PABPC4L: variants seen among roughly 807,000 people sequenced by gnomAD.
The protein encoded by PABPC4L is poly(A) binding protein cytoplasmic 4 like, also known as polyadenylate-binding protein 4-like.
For missense variants in PABPC4L, 452 were observed against 451.4 expected (o/e 1.00, Z -0.01); for synonymous variants, 169 against 164.1 (o/e 1.03, Z -0.23).
At chr4:134,114,194 A>G in the PABPC4L span, among the ~76,000 whole-genome samples, 2 of 151,722 alleles carry the variant, frequency 1.3e-5, no homozygotes, top group African/African-American at 2.4e-5. Context: ...CACAAGCACA[A>G]GTTGGAGTCA....
At chr4:134,056,069 C>T in the PABPC4L span, among the ~76,000 whole-genome samples, 4 of 151,792 alleles carry the variant, frequency 2.6e-5, no homozygotes, top group Non-Finnish European at 5.9e-5. Context: ...TGTTGAAAGG[C>T]TATCTTTCCT....
At chr4:133,987,631 A>G in the PABPC4L span, among the ~76,000 whole-genome samples, 1 of 152,208 alleles carries the variant, frequency 6.6e-6, no homozygotes, top group African/African-American at 2.4e-5. Flanking sequence ...ATAAAATTTG[A>G]AAGACCTTTG....
the PABPC4L span, among the ~76,000 whole-genome samples, chr4:134,000,866 T>G: frequency 2.0e-5 from 3 of 152,102 alleles, no homozygotes; most frequent in African/African-American, 7.2e-5. Context: ...CAATCTGGCT[T>G]CCAGGCCTTC....
chr4:134,036,123 T>C, the PABPC4L span, among the ~76,000 whole-genome samples: 1 of 152,050 alleles, frequency 6.6e-6, no homozygotes, highest in African/African-American at 2.4e-5. Flanking sequence ...TTATGTTAGT[T>C]TCTTTGAATA....
the PABPC4L span, among the ~76,000 whole-genome samples, chr4:134,031,169 C>G: frequency 6.6e-6 from 1 of 151,924 alleles, no homozygotes; most frequent in African/African-American, 2.4e-5. Flanking sequence ...GTGCTTATAT[C>G]TTAAATCCCT....
chr4:134,048,455 G>C, the PABPC4L span, among the ~76,000 whole-genome samples: 1 of 152,058 alleles, frequency 6.6e-6, no homozygotes, highest in East Asian at 1.9e-4. Flanking sequence ...ACCTAAACTG[G>C]AGAATCTCTG....
the PABPC4L span, among the ~76,000 whole-genome samples, chr4:133,987,643 T>C: frequency 6.6e-6 from 1 of 152,250 alleles, no homozygotes; most frequent in Middle Eastern, 3.4e-3. Flanking sequence ...AGACCTTTGG[T>C]CTTAAAAAGA....
the PABPC4L span, among the ~76,000 whole-genome samples, chr4:134,019,179 A>G: frequency 6.6e-6 from 1 of 152,178 alleles, no homozygotes; most frequent in African/African-American, 2.4e-5. Context: ...GAGAGAAGGA[A>G]TCTGTTTGTC....
At chr4:133,973,597 TATC>T in the PABPC4L span, among the ~76,000 whole-genome samples, 1 of 152,078 alleles carries the variant, frequency 6.6e-6, no homozygotes, top group African/African-American at 2.4e-5. Context: ...ACCAGTACCT[TATC>T]AGCCACTGAA....
chr4:134,037,434 A>G, the PABPC4L span, among the ~76,000 whole-genome samples: 1 of 151,966 alleles, frequency 6.6e-6, no homozygotes, highest in East Asian at 1.9e-4. Flanking sequence ...TATTCTTGTA[A>G]TTACTATCTT....
chr4:134,051,774 C>T, the PABPC4L span, among the ~76,000 whole-genome samples: 1 of 152,042 alleles, frequency 6.6e-6, no homozygotes, highest in African/African-American at 2.4e-5. Flanking sequence ...GGAAATATCA[C>T]ATTTTAATGT....
At chr4:134,029,291 T>C in the PABPC4L span, among the ~76,000 whole-genome samples, 1 of 151,908 alleles carries the variant, frequency 6.6e-6, no homozygotes, top group African/African-American at 2.4e-5. Flanking sequence ...TCCAAGAAGG[T>C]CTGGGAAGAT....
chr4:134,177,218 G>T, the PABPC4L span, among the ~76,000 whole-genome samples: 6 of 135,518 alleles, frequency 4.4e-5, no homozygotes, highest in East Asian at 1.3e-3. Context: ...TAGTCTAGCT[G>T]TCACCAGGCT....
At chr4:133,991,621 A>G in the PABPC4L span, among the ~76,000 whole-genome samples, 1 of 152,154 alleles carries the variant, frequency 6.6e-6, no homozygotes, top group Admixed American at 6.5e-5. Context: ...CAGCAACACT[A>G]CCAGTTGCCA....
the PABPC4L span, among the ~76,000 whole-genome samples, chr4:133,980,819 T>C: frequency 6.6e-6 from 1 of 152,338 alleles, no homozygotes; most frequent in South Asian, 2.1e-4. Context: ...CTTGATATAC[T>C]TGTTTAATAT....
At chr4:133,980,554 G>A in the PABPC4L span, among the ~76,000 whole-genome samples, 3 of 152,240 alleles carry the variant, frequency 2.0e-5, no homozygotes, top group Admixed American at 6.6e-5. Flanking sequence ...ACGAGACAGG[G>A]AAAGAGAAAC....
chr4:133,969,790 G>A, the PABPC4L span, among the ~76,000 whole-genome samples: 1 of 151,942 alleles, frequency 6.6e-6, no homozygotes, highest in African/African-American at 2.4e-5. Context: ...ACACACATAC[G>A]CACACTACCA....
chr4:134,145,496 T>C, the PABPC4L span, among the ~76,000 whole-genome samples: 102,085 of 151,634 alleles, frequency 0.67, 35,327 homozygotes, highest in East Asian at 1. Flanking sequence ...TTTCTGTCCA[T>C]ATACAGTCTA....
chr4:134,014,255 A>G, the PABPC4L span, among the ~76,000 whole-genome samples: 1 of 152,182 alleles, frequency 6.6e-6, no homozygotes, highest in African/African-American at 2.4e-5. Flanking sequence ...GACTTAATTA[A>G]CCTCACCTTC....
Sources: gnomAD v4.1 joint callset for allele counts (sites outside exome capture counted in the v4.1 genomes callset) on GRCh38, gnomAD v4.1.1 for gene constraint, MANE v1.5 for transcripts, NCBI Gene and HGNC (gene_info 2026-07-23, HGNC 2026-07-21) for gene names.